Variants in CAST observed in about 807,000 individuals in gnomAD.
CAST encodes the protein calpastatin.
A neutral mutation model predicts 119.6 loss-of-function variants in CAST; 76 were observed. The observed-to-expected ratio is 0.64, with a 90% CI of 0.53 to 0.77. The LOEUF (loss-of-function observed/expected upper bound fraction) is 0.77. Among genes scored for constraint, CAST ranks in the 30% least tolerant of loss-of-function variants. The pLI is 0.00. For missense variants in CAST, 953 were observed against 946.5 expected, an observed-to-expected ratio of 1.01 and a Z score of -0.09; for synonymous variants, 319 against 331.6, an observed-to-expected ratio of 0.96 and a Z score of 0.41.
At chr5:96,257,622 T>C in the CAST span, among the ~76,000 whole-genome samples, 1 of 152,246 alleles carries the variant, frequency 6.6e-6, no homozygotes, top group East Asian at 1.9e-4. Flanking sequence ...TCATGAGCCT[T>C]CTCCTAAGAA....
At chr5:96,191,119 C>T in the CAST span, among the ~76,000 whole-genome samples, 1 of 152,196 alleles carries the variant, frequency 6.6e-6, no homozygotes, top group Non-Finnish European at 1.5e-5. Context: ...AACTAGAACT[C>T]CTTTCCCATA....
At chr5:96,470,454 A>G in the CAST span, among the ~76,000 whole-genome samples, 1 of 152,028 alleles carries the variant, frequency 6.6e-6, no homozygotes, top group Admixed American at 6.6e-5. Context: ...GAGAGGAAAC[A>G]AGACCAGCAT....
At chr5:96,420,835 G>T in the CAST span, among the ~76,000 whole-genome samples, 2 of 151,938 alleles carry the variant, frequency 1.3e-5, no homozygotes, top group Non-Finnish European at 2.9e-5. Context: ...TCTGACCCAA[G>T]TTGGGTAACA....
chr5:96,059,922 A>T, the CAST span, among the ~76,000 whole-genome samples: 1 of 152,150 alleles, frequency 6.6e-6, no homozygotes, highest in African/African-American at 2.4e-5. Context: ...TGAAGAATGC[A>T]GGCAGTCCTT....
the CAST span, among the ~76,000 whole-genome samples, chr5:96,031,076 A>T: frequency 6.6e-6 from 1 of 152,100 alleles, no homozygotes; most frequent in Non-Finnish European, 1.5e-5. Context: ...CTATAACACA[A>T]TGAAAACTTA....
intron 1 of CAST, among the ~76,000 whole-genome samples, chr5:96,651,879 C>T (rs558935310): frequency 3.3e-5 from 5 of 152,270 alleles, no homozygotes; most frequent in East Asian, 1.9e-4. Flanking sequence ...TTCATTTACT[C>T]TCAGTGAAGT....
At chr5:96,579,794 G>A (rs1406059573) in intron 1 of CAST, among the ~76,000 whole-genome samples, 1 of 152,186 alleles carries the variant, frequency 6.6e-6, no homozygotes, top group African/African-American at 2.4e-5. Context: ...CAGAACAGAG[G>A]TTCAGTATAC....
chr5:96,759,880 G>A (rs1767322691), intron 24 of CAST, among the ~76,000 whole-genome samples: 1 of 151,774 alleles, frequency 6.6e-6, no homozygotes, highest in Admixed American at 6.6e-5. Flanking sequence ...ATAAATGTGA[G>A]AAAATACAAT....
chr5:96,399,945 A>T, the CAST span: 3 of 1,599,766 alleles, frequency 1.9e-6, no homozygotes, highest in African/African-American at 4.0e-5. Flanking sequence ...ATTCCAGGAG[A>T]TACTTACCTG....
the CAST span, among the ~76,000 whole-genome samples, chr5:96,154,601 T>C: frequency 6.6e-6 from 1 of 152,246 alleles, no homozygotes; most frequent in Non-Finnish European, 1.5e-5. Flanking sequence ...CCGGGATCCA[T>C]CCAGGATACC....
At chr5:96,145,984 C>T in the CAST span, among the ~76,000 whole-genome samples, 1 of 152,162 alleles carries the variant, frequency 6.6e-6, no homozygotes, top group African/African-American at 2.4e-5. Context: ...TTTGCCTCCT[C>T]ATAGCATGGA....
At chr5:96,754,270 C>T in intron 21 of CAST, 109 bp downstream of exon 21, 2 of 755,828 alleles carry the variant, frequency 2.6e-6, no homozygotes, top group South Asian at 1.6e-5. Context: ...TAAAACATGA[C>T]CAGCTGGCTT....
the CAST span, among the ~76,000 whole-genome samples, chr5:96,109,119 CTG>C: frequency 1.3e-5 from 2 of 152,248 alleles, no homozygotes; most frequent in African/African-American, 4.8e-5. Flanking sequence ...CCTGCGCCCA[CTG>C]TCTGGCACTC....
At chr5:96,443,551 GTA>G in the CAST span, among the ~76,000 whole-genome samples, 1 of 152,222 alleles carries the variant, frequency 6.6e-6, no homozygotes, top group Non-Finnish European at 1.5e-5. Flanking sequence ...TTCAAAGAAA[GTA>G]TATGTTTTGT....
chr5:96,427,571 CATA>C, the CAST span, among the ~76,000 whole-genome samples: 472 of 152,072 alleles, frequency 3.1e-3, 3 homozygotes, highest in Non-Finnish European at 5.6e-3. Context: ...AGCATTTTTT[CATA>C]ATGTCTTGAG....
chr5:96,291,386 G>A, the CAST span, among the ~76,000 whole-genome samples: 1 of 152,200 alleles, frequency 6.6e-6, no homozygotes, highest in Non-Finnish European at 1.5e-5. Context: ...CCCTTGTAAT[G>A]TGTACAAATT....
At chr5:96,650,343 G>A (rs73774350) in intron 1 of CAST, among the ~76,000 whole-genome samples, 2 of 152,278 alleles carry the variant, frequency 1.3e-5, no homozygotes, top group African/African-American at 4.8e-5. Flanking sequence ...ATGAAAGCGT[G>A]GGTCACTTGG....
At position 96,772,946 on chromosome 5, in the gene CAST, T is replaced by G. The variant is rs552967865; in HGVS notation, c.*330T>G. ...AACACCAAAAAAACAAAAGAAAAGCTAAGTGAATTTTTGCACATTCTACAC... is the reference window on the plus strand; with the variant it reads ...AACACCAAAAAAACAAAAGAAAAGCGAAGTGAATTTTTGCACATTCTACAC... On this transcript the variant is annotated 3_prime_UTR_variant, in exon 32 of 32. Transcript: ENST00000675179. 1 of 154,018 alleles carries G rather than the reference T, an allele frequency of 6.5e-6. No homozygotes were observed. Among genetic ancestry groups the G allele is most frequent in the African/African-American group, 2.4e-5 (1 of 41,586 alleles). 9.5% of individuals were successfully genotyped at this position (154,018 alleles called of 1,614,324 possible). A position where few individuals can be genotyped will look rare whatever the true frequency, so the allele number is the denominator to read the frequency against.
chr5:96,678,147 T>C (rs1750922831), intron 2 of CAST, among the ~76,000 whole-genome samples: 1 of 152,182 alleles, frequency 6.6e-6, no homozygotes, highest in Admixed American at 6.5e-5. Flanking sequence ...CCTTTTCTTC[T>C]CAAAATTACC....
Sources: gnomAD v4.1 joint callset for allele counts (sites outside exome capture counted in the v4.1 genomes callset) on GRCh38, gnomAD v4.1.1 for gene constraint, MANE v1.5 for transcripts, NCBI Gene and HGNC (gene_info 2026-07-23, HGNC 2026-07-21) for gene names.